The following RAPGEF3 variants were observed in gnomAD, a reference collection of about 807,000 sequenced individuals.
RAPGEF3 encodes the protein 9330170P05Rik.
In RAPGEF3, 103 loss-of-function variants were observed where a neutral mutation model predicts 129.8. The ratio of observed to expected loss-of-function variants is 0.79; its 90% CI spans 0.68 to 0.93. RAPGEF3 has a LOEUF of 0.93. RAPGEF3 is among the 40% of genes least tolerant of loss of function. The pLI is 0.00. For synonymous variants in RAPGEF3, 436 were observed against 482.6 expected, an observed-to-expected ratio of 0.90 and a Z score of 1.26; for missense variants, 1,117 against 1,207.4, an observed-to-expected ratio of 0.93 and a Z score of 1.11.
Position 47,751,944 on chromosome 12 carries a change from G to A in RAPGEF3, c.245C>T (p.Ser82Phe), listed in dbSNP as rs765107108. ...RWTPLTNSEE[S>F]LDFSESLEQA... ...CTCCAGGCTCTCGCTGAAATCCAGG[G>A]ACTCCTCGCTGTTGGTGAGTGGTGT... Residue 82 changes from serine to phenylalanine, a missense_variant, in exon 3 of 28, where the codon TCC (serine) becomes TTC (phenylalanine). Ser to Phe is a radical substitution (Grantham distance 155). This residue lies in a region of RAPGEF3 where 367 missense variants were observed against 373.4 expected (regional missense o/e 0.98). Coordinates refer to ENST00000449771, the MANE Select transcript of RAPGEF3 (RefSeq NM_001098531.4). 6.2e-6 allele frequency: 10 copies of A among 1,614,086 alleles called. No individual in the cohort carries two copies. In the South Asian group the frequency reaches 1.1e-4, roughly 18 times the overall value.
chr12:47,743,186 A>G (rs1264951798), intron 18 of RAPGEF3, among the ~76,000 whole-genome samples: 1 of 152,262 alleles, frequency 6.6e-6, no homozygotes, highest in African/African-American at 2.4e-5. Flanking sequence ...GATGAACTCA[A>G]TTGATCCTCA....
intron 2 of RAPGEF3, among the ~76,000 whole-genome samples, chr12:47,755,307 G>T (rs1941989322): frequency 6.6e-6 from 1 of 152,202 alleles, no homozygotes; most frequent in South Asian, 2.1e-4. Flanking sequence ...CAGGGCTGTT[G>T]TGAGAATTAT....
In RAPGEF3 at chr12:47,737,404, T is replaced by C; in HGVS notation, c.*163A>G. 1 of 628,070 alleles carries C rather than the reference T, an allele frequency of 1.6e-6. No individual in the cohort carries two copies. The highest frequency in any genetic ancestry group is 2.8e-5 in the East Asian group (1 of 36,246). The allele number at this position is 628,070 out of a possible 1,614,324, so 38.9% of individuals were successfully genotyped here. On this transcript the variant is annotated 3_prime_UTR_variant, in exon 28 of 28. Coordinates refer to ENST00000449771, the MANE Select transcript of RAPGEF3 (RefSeq NM_001098531.4). Reference sequence around the variant, plus strand: ...CTCCGAGGTCCTCCTTAGCTGCCAGTCATCACAGGGGATGGCTGCCTCCAC... The same window carrying C: ...CTCCGAGGTCCTCCTTAGCTGCCAGCCATCACAGGGGATGGCTGCCTCCAC...
In RAPGEF3 at chr12:47,737,221, C is replaced by A. The variant is rs1940831859; in HGVS notation, c.*346G>T. On this transcript the variant is annotated 3_prime_UTR_variant, in exon 28 of 28. Transcript: ENST00000449771. ...AAAATAAACTGCAGGCCTGGCTGGACAACAAAGCCAGAGGCACAGAATCTG... is the reference window on the plus strand; with the variant it reads ...AAAATAAACTGCAGGCCTGGCTGGAAAACAAAGCCAGAGGCACAGAATCTG... The A allele has an allele frequency of 1.0e-5, 3 of 290,280 alleles. No individual in the cohort carries two copies. Among genetic ancestry groups the A allele is most frequent in the Admixed American group, 4.9e-5 (1 of 20,208 alleles). 18.0% of individuals were successfully genotyped at this position (290,280 alleles called of 1,614,324 possible). A position where few individuals can be genotyped will look rare whatever the true frequency, so the allele number is the denominator to read the frequency against.
rs1334618254 is a variant in RAPGEF3, at chr12:47,740,671, C to A, written c.2202G>T (p.Leu734=). The change falls in exon 21 of 28, where the codon CTG becomes CTT. Residue 734 remains leucine (L), a synonymous_variant. Coordinates refer to ENST00000449771, the MANE Select transcript of RAPGEF3 (RefSeq NM_001098531.4). ...LCPVPGPRAQ[L]LRKFIKLAAH... ...CCGCCAGCTTAATGAACTTCCTGAG[C>A]AGCTGGGCCCGGGGGCCGGGCACGG... 4 of 1,613,664 alleles carry A rather than the reference C, an allele frequency of 2.5e-6. No homozygotes were observed. The African/African-American group carries it at 5.3e-5, about 22-fold the overall frequency.
At position 47,737,786 on chromosome 12, in the gene RAPGEF3, C is replaced by A. The variant is rs957618696; in HGVS notation, c.2654-101G>T. 4.1e-6 allele frequency: 5 copies of A among 1,206,336 alleles called. No homozygotes were observed. In the African/African-American group the frequency reaches 7.5e-5, roughly 18 times the overall value. 74.7% of individuals were successfully genotyped at this position (1,206,336 alleles called of 1,614,324 possible). On this transcript the variant is annotated intron_variant, in intron 27 of 27. Transcript: ENST00000449771. ...TCACATCTGCCTTCTTGCCCTCCAC[C>A]ACCCACCAACCACTTCCCATCACCA... is the stretch of plus-strand genomic sequence containing the variant.
At chr12:47,741,345 C>T in intron 19 of RAPGEF3, 160 bp downstream of exon 19, 3 of 733,588 alleles carry the variant, frequency 4.1e-6, no homozygotes, top group Non-Finnish European at 4.6e-6. Flanking sequence ...TGGGAATTCC[C>T]CCATCAGCTG....
chr12:47,740,274 C>A (rs1195015795), intron 22 of RAPGEF3, 31 bp downstream of exon 22: 2 of 1,612,760 alleles, frequency 1.2e-6, no homozygotes, highest in Non-Finnish European at 1.7e-6. Flanking sequence ...GAGGCCTGAC[C>A]TCAGGAGGGG....
chr12:47,755,458 G>A (rs1941997832), intron 2 of RAPGEF3, among the ~76,000 whole-genome samples: 1 of 152,150 alleles, frequency 6.6e-6, no homozygotes. Context: ...CCCAAGAACA[G>A]TCACACAAAG....
intron 16 of RAPGEF3, chr12:47,746,339 A>T (rs1485713885): frequency 2.8e-6 from 1 of 363,188 alleles, no homozygotes; most frequent in Non-Finnish European, 5.0e-6. Context: ...CCTCCCCACC[A>T]CCAACCTAAT....
chr12:47,745,502 CTCCTCCTGGGTTCCCTT>C (rs1260893463), intron 16 of RAPGEF3: 5 of 152,640 alleles, frequency 3.3e-5, no homozygotes. Flanking sequence ...TCCAGGGATC[CTCCTCCTGGGTTCCCTT>C]TCCTCCTGGG....
rs535109543 is a variant in RAPGEF3 at position 47,743,637 on chromosome 12, G to A, written c.1718C>T (p.Thr573Ile). The A allele has an allele frequency of 1.2e-6, 2 of 1,613,424 alleles. No individual in the cohort carries two copies. Among genetic ancestry groups the A allele is most frequent in the Admixed American group, 3.3e-5 (2 of 60,016 alleles). The change falls in exon 18 of 28, where the codon ACC becomes ATC. Residue 573 changes from threonine (T) to isoleucine (I), a missense_variant. Thr to Ile is a moderately conservative substitution (Grantham distance 89). Coordinates refer to ENST00000449771, the MANE Select transcript of RAPGEF3 (RefSeq NM_001098531.4). ...GGAGGCTGTCACAGGCAGCTGCAGG[G>A]TCAACACTGAGTGGTCTGGCCGGCA... Reference protein sequence around the residue: ...DICRPDHSVLTLQLPVTASVR... With the variant: ...DICRPDHSVLILQLPVTASVR...
Position 47,747,527 on chromosome 12 carries a change from C to G in RAPGEF3, c.1556+17G>C, listed in dbSNP as rs750876650. On this transcript the variant is annotated intron_variant, in intron 15 of 27. Coordinates refer to ENST00000449771, the MANE Select transcript of RAPGEF3 (RefSeq NM_001098531.4). ...GCCAGTTATGGAAATGACAAATTAA[C>G]AGAGTCAAAGCATCACCTGTGGCAT... 1 of 1,610,760 alleles carries G rather than the reference C, an allele frequency of 6.2e-7. No individual in the cohort carries two copies. Among genetic ancestry groups the G allele is most frequent in the Admixed American group, 1.7e-5 (1 of 59,984 alleles).
In RAPGEF3 at chr12:47,749,136, C is replaced by T; in HGVS notation, c.1042-205G>A. ...CTCCCCCACAGCCTAGTCCCCCGCCCCCTGCATGCCCATCCTTCCCCTGGT... is the reference window on the plus strand; with the variant it reads ...CTCCCCCACAGCCTAGTCCCCCGCCTCCTGCATGCCCATCCTTCCCCTGGT... On this transcript the variant is annotated intron_variant, in intron 10 of 27. Coordinates refer to ENST00000449771, the MANE Select transcript of RAPGEF3 (RefSeq NM_001098531.4). This position sits in a 1 kb window ranked among gnomAD's most constrained non-coding sequence, Gnocchi z 4.5. 1.6e-6 allele frequency: 1 copy of T among 639,878 alleles called. No homozygotes were observed. The highest frequency in any genetic ancestry group is 2.7e-6 in the Non-Finnish European group (1 of 367,012). 39.6% of individuals were successfully genotyped at this position (639,878 alleles called of 1,614,324 possible).
chr12:47,750,503 C>T, intron 6 of RAPGEF3, 78 bp from the exon 7 acceptor site: 1 of 1,322,642 alleles, frequency 7.6e-7, no homozygotes, highest in South Asian at 1.3e-5. Flanking sequence ...ACCCACCCAG[C>T]CGATGCCTGT....
At chr12:47,750,169 G>A (rs951522036) in intron 7 of RAPGEF3, among the ~76,000 whole-genome samples, 172 bp downstream of exon 7, 1 of 152,260 alleles carries the variant, frequency 6.6e-6, no homozygotes, top group Non-Finnish European at 1.5e-5. Context: ...GGCTGAGAGA[G>A]GCGGAAGGAT....
At position 47,734,939 on chromosome 12, in the gene RAPGEF3, A is replaced by G. The variant is rs61917616; in HGVS notation, c.*2628T>C. 35,574 of 152,236 alleles carry G rather than the reference A, an allele frequency of 0.23. 4,671 individuals are homozygous for G. Among genetic ancestry groups the G allele is most frequent in the Middle Eastern group, 0.31 (92 of 294 alleles). The allele number at this position is 152,236 out of a possible 1,614,324, so 9.4% of individuals were successfully genotyped here. ...TGAAGCAGCAGAGGGTGCTGGCTCC[A>G]CTGACCACTCCACCCCGTCTGTGGG... is the stretch of plus-strand genomic sequence containing the variant. On this transcript the variant is annotated 3_prime_UTR_variant, in exon 28 of 28. Transcript: ENST00000449771.
chr12:47,736,169 C>T lies in RAPGEF3; in HGVS notation c.*1398G>A, dbSNP rs149110893. ...ATGAAGGAAGAGAACTGTTCACTGA[C>T]TTGCTCAGATTCACTTAGTGACCTG... On this transcript the variant is annotated 3_prime_UTR_variant, in exon 28 of 28. Coordinates refer to ENST00000449771, the MANE Select transcript of RAPGEF3 (RefSeq NM_001098531.4). 6.6e-6 allele frequency: 1 copy of T among 152,306 alleles called. No individual in the cohort carries two copies. The highest frequency in any genetic ancestry group is 1.5e-5 in the Non-Finnish European group (1 of 68,072). The allele number at this position is 152,306 out of a possible 1,614,324, so 9.4% of individuals were successfully genotyped here.
At position 47,749,650 on chromosome 12, in the gene RAPGEF3, C is replaced by T; in HGVS notation, c.894+91G>A. On this transcript the variant is annotated intron_variant, in intron 9 of 27. Coordinates refer to ENST00000449771, the MANE Select transcript of RAPGEF3 (RefSeq NM_001098531.4). The surrounding 1 kb of genome is among the most constrained non-coding windows in gnomAD (Gnocchi z 4.5). ...CACACAGGAGACACGGGGTCAGCAG[C>T]AGTAGATCAACAAAGGCACTGCCCA... 1 of 1,587,536 alleles carries T rather than the reference C, an allele frequency of 6.3e-7. No homozygotes were observed. The highest frequency in any genetic ancestry group is 8.6e-7 in the Non-Finnish European group (1 of 1,165,308).
Sources: allele counts gnomAD v4.1 joint callset (sites outside exome capture counted in the v4.1 genomes callset), GRCh38; gene constraint gnomAD v4.1.1; regional missense constraint gnomAD v4.1.1; non-coding constraint Gnocchi (gnomAD v3.1); transcripts MANE v1.5; gene names NCBI Gene and HGNC (gene_info 2026-07-23, HGNC 2026-07-21).